KLB: variants seen among roughly 807,000 people sequenced by gnomAD.
KLB encodes the protein beta-klotho.
KLB carries 44 observed loss-of-function variants against 88.4 expected under a neutral mutation model. The observed-to-expected ratio is 0.50, with a 90% CI of 0.39 to 0.64. The LOEUF (loss-of-function observed/expected upper bound fraction) is 0.64, where lower values mean the gene tolerates loss of function less well. KLB is among the 30% of genes least tolerant of loss of function. KLB has a pLI of 0.00. For missense variants in KLB, 1,137 were observed against 1,304.8 expected (o/e 0.87, Z 1.98); for synonymous variants, 548 against 513.4 (o/e 1.07, Z -0.91).
At chr4:39,420,257 G>A (rs1372672738) in intron 1 of KLB, among the ~76,000 whole-genome samples, 4 of 152,120 alleles carry the variant, frequency 2.6e-5, no homozygotes, top group Non-Finnish European at 2.9e-5. Context: ...CATGACCAAA[G>A]TCTTGAGTAA....
In KLB at chr4:39,446,969, A is replaced by C. The variant is rs867245063; in HGVS notation, c.2243A>C (p.Glu748Ala). The change falls in exon 4 of 5, where the codon GAA (glutamate) becomes GCA (alanine). Residue 748 changes from glutamate (E) to alanine (A), a missense_variant. Physicochemically the swap from Glu to Ala is moderately radical, Grantham distance 107. Around this residue, in one of 4 missense-constraint regions of KLB, gnomAD observed 426 missense variants for 404.6 expected, o/e 1.05. Transcript: ENST00000257408. This position sits in a 1 kb window ranked among gnomAD's most constrained non-coding sequence, Gnocchi z 6.4. ...CTGTCGCTGCACGCGGACTGGGCGGAACCCGCCAACCCCTATGCTGACTCG... is the reference window on the plus strand; with the variant it reads ...CTGTCGCTGCACGCGGACTGGGCGGCACCCGCCAACCCCTATGCTGACTCG... ...VSLSLHADWA[E>A]PANPYADSHW... 1.2e-6 allele frequency: 2 copies of C among 1,607,600 alleles called. No individual in the cohort carries two copies. Among genetic ancestry groups the C allele is most frequent in the Non-Finnish European group, 1.7e-6 (2 of 1,179,762 alleles).
chr4:39,447,965 T>A (rs1560654950), intron 4 of KLB, among the ~76,000 whole-genome samples: 1 of 152,214 alleles, frequency 6.6e-6, no homozygotes, highest in Non-Finnish European at 1.5e-5. Context: ...AGGTTCACAA[T>A]CAGGCCAAAT....
Position 39,449,848 on chromosome 4 carries a change from C to T in KLB, c.*1162C>T, listed in dbSNP as rs1190654409. On this transcript the variant is annotated 3_prime_UTR_variant, in exon 5 of 5. Coordinates refer to ENST00000257408, the MANE Select transcript of KLB (RefSeq NM_175737.4). Reference sequence around the variant, plus strand: ...GCCGAGGCAGGAGAATCGCTTGAACCCGAGAGGCAGAGGTTGCAATGAGCC... The same window carrying T: ...GCCGAGGCAGGAGAATCGCTTGAACTCGAGAGGCAGAGGTTGCAATGAGCC... 2 of 152,186 alleles carry T rather than the reference C, an allele frequency of 1.3e-5. No individual in the cohort carries two copies. Among genetic ancestry groups the T allele is most frequent in the African/African-American group, 4.8e-5 (2 of 41,386 alleles). The allele number at this position is 152,186 out of a possible 1,614,324, so 9.4% of individuals were successfully genotyped here.
rs539494016 is a variant in KLB, at chr4:39,444,546, ATTGGGATGCATCATCT to A, written c.1606-1783_1606-1768del. Among the ~76,000 whole-genome samples the A allele has an allele frequency of 9.2e-5, 14 of 152,290 alleles. No individual in the cohort carries two copies. The South Asian group carries it at 2.9e-3, about 32-fold the overall frequency. The stretch of plus-strand genomic sequence containing the variant: ...ACAAGCTCTGGGAGCTGGGGTTGGG[ATTGGGATGCATCATCT>A]TTAACTAGAAAATTAACCTCTTAGC... On this transcript the variant is annotated intron_variant, in intron 3 of 4. Transcript: ENST00000257408.
At chr4:39,431,236 A>T (rs1189012750) in intron 1 of KLB, among the ~76,000 whole-genome samples, 1 of 150,934 alleles carries the variant, frequency 6.6e-6, no homozygotes, top group Non-Finnish European at 1.5e-5. Flanking sequence ...ACCACCAACC[A>T]AGAGGAAAGC....
rs1743776794 is a variant in KLB, at chr4:39,447,325, T to C, written c.2599T>C (p.Trp867Arg). Reference sequence around the variant, plus strand: ...CCCCACGCGCCTGGCTGTGATTCCCTGGGGGGTGCGCAAGCTGCTGCGGTG... The same window carrying C: ...CCCCACGCGCCTGGCTGTGATTCCCCGGGGGGTGCGCAAGCTGCTGCGGTG... The part of the protein sequence containing the change: ...SSPTRLAVIP[W>R]GVRKLLRWVR... Residue 867 changes from tryptophan (W) to arginine (R), a missense_variant, in exon 4 of 5, where the codon TGG becomes CGG. By Grantham distance (101) the Trp-to-Arg change is moderately radical. Coordinates refer to ENST00000257408, the MANE Select transcript of KLB (RefSeq NM_175737.4). The C allele has an allele frequency of 6.2e-7, 1 of 1,614,056 alleles. No individual in the cohort carries two copies.
chr4:39,428,512 G>A (rs1743270287), intron 1 of KLB, among the ~76,000 whole-genome samples: 1 of 151,578 alleles, frequency 6.6e-6, no homozygotes, highest in Non-Finnish European at 1.5e-5. Flanking sequence ...ATAAATTAAA[G>A]GTTATATGCC....
chr4:39,407,831 T>G (rs1026999759), intron 1 of KLB, 57 bp downstream of exon 1: 1 of 1,048,546 alleles, frequency 9.5e-7, no homozygotes, highest in African/African-American at 1.6e-5. Flanking sequence ...ATTTAAGAAT[T>G]TACCTTCTGC....
Position 39,446,773 on chromosome 4 carries a change from G to A in KLB, c.2047G>A (p.Asp683Asn). ...TGGGCTGTGCTTCCAGGAGCTGGGG[G>A]ACCTGGTGAAGCTCTGGATCACCAT... is the stretch of plus-strand genomic sequence containing the variant. ...YAGLCFQELG[D>N]LVKLWITINE... The change falls in exon 4 of 5, where the codon GAC (aspartate) becomes AAC (asparagine). Residue 683 changes from aspartate to asparagine, a missense_variant. Physicochemically the swap from Asp to Asn is conservative, Grantham distance 23 (BLOSUM62 1). This residue lies in a region of KLB where 597 missense variants were observed against 765.2 expected (regional missense o/e 0.78). Transcript: ENST00000257408. This position sits in a 1 kb window ranked among gnomAD's most constrained non-coding sequence, Gnocchi z 6.4. 1 of 1,609,136 alleles carries A rather than the reference G, an allele frequency of 6.2e-7. No homozygotes were observed. The highest frequency in any genetic ancestry group is 8.5e-7 in the Non-Finnish European group (1 of 1,177,768).
At chr4:39,444,239 A>C (rs1249119405) in intron 3 of KLB, among the ~76,000 whole-genome samples, 1 of 152,162 alleles carries the variant, frequency 6.6e-6, no homozygotes, top group African/African-American at 2.4e-5. Context: ...CAAAATGGTA[A>C]ATTTCTAATC....
At chr4:39,438,087 C>A in intron 3 of KLB, 92 bp downstream of exon 3, 4 of 1,171,356 alleles carry the variant, frequency 3.4e-6, no homozygotes, top group Admixed American at 2.3e-5. Context: ...AGCTGTCAGA[C>A]AATATCAAAT....
At position 39,451,190 on chromosome 4, in the gene KLB, A is replaced by G. The variant is rs887272370; in HGVS notation, c.*2504A>G. 2.0e-5 allele frequency: 3 copies of G among 152,232 alleles called. No individual in the cohort carries two copies. Among genetic ancestry groups the G allele is most frequent in the African/African-American group, 7.2e-5 (3 of 41,462 alleles). 9.4% of individuals were successfully genotyped at this position (152,232 alleles called of 1,614,324 possible). A position where few individuals can be genotyped will look rare whatever the true frequency, so the allele number is the denominator to read the frequency against. ...CCTTAAATTTTTTAACCACTGGCAA[A>G]TATGTACAGCAAATTAGGTTAAGCA... On this transcript the variant is annotated 3_prime_UTR_variant, in exon 5 of 5. Coordinates refer to ENST00000257408, the MANE Select transcript of KLB (RefSeq NM_175737.4).
At chr4:39,422,953 G>C (rs1743122030) in intron 1 of KLB, among the ~76,000 whole-genome samples, 1 of 151,680 alleles carries the variant, frequency 6.6e-6, no homozygotes, top group Non-Finnish European at 1.5e-5. Flanking sequence ...TCTTAGTAGA[G>C]ACAGGGTTTC....
chr4:39,449,168 T>C lies in KLB; in HGVS notation c.*482T>C, dbSNP rs1743832840. 1 of 152,502 alleles carries C rather than the reference T, an allele frequency of 6.6e-6. No individual in the cohort carries two copies. Among genetic ancestry groups the C allele is most frequent in the South Asian group, 2.1e-4 (1 of 4,826 alleles). The allele number at this position is 152,502 out of a possible 1,614,324, so 9.4% of individuals were successfully genotyped here. ...GGTGAAACCATGTCTCTACTAAAAA[T>C]ACAAAAAATTAGCCAGGCGTGGTGA... On this transcript the variant is annotated 3_prime_UTR_variant, in exon 5 of 5. Transcript: ENST00000257408.
intron 1 of KLB, among the ~76,000 whole-genome samples, chr4:39,418,050 C>T (rs1486603178): frequency 1.3e-5 from 2 of 152,162 alleles, no homozygotes; most frequent in Non-Finnish European, 2.9e-5. Context: ...TTTTACTTTG[C>T]TTTGCTTATT....
chr4:39,415,315 TA>T (rs1742943652), intron 1 of KLB, among the ~76,000 whole-genome samples: 2 of 152,134 alleles, frequency 1.3e-5, no homozygotes, highest in African/African-American at 4.8e-5. Context: ...TATTGTTTAC[TA>T]AAATATTTTT....
Position 39,407,672 on chromosome 4 carries a change from C to A in KLB, c.723C>A (p.Asn241Lys). 3.1e-6 allele frequency: 5 copies of A among 1,614,032 alleles called. No individual in the cohort carries two copies. The highest frequency in any genetic ancestry group is 4.2e-6 in the Non-Finnish European group (5 of 1,179,910). The change falls in exon 1 of 5, where the codon AAC becomes AAA. Residue 241 changes from asparagine to lysine, a missense_variant. Coordinates refer to ENST00000257408, the MANE Select transcript of KLB (RefSeq NM_175737.4). ...TCAAATATTGGATTACAATTCACAA[C>A]CCATATCTAGTGGCTTGGCATGGGT... The part of the protein sequence containing the change: ...DRVKYWITIH[N>K]PYLVAWHGYG...
chr4:39,421,773 G>A (rs1743090557), intron 1 of KLB, among the ~76,000 whole-genome samples: 1 of 151,726 alleles, frequency 6.6e-6, no homozygotes, highest in African/African-American at 2.4e-5. Context: ...AAAAGACAAG[G>A]TCTCACTCTG....
chr4:39,409,685 T>C lies in KLB; in HGVS notation c.825+1911T>C, dbSNP rs190474042. Among the ~76,000 whole-genome samples the C allele has an allele frequency of 1.1e-3, 172 of 151,634 alleles. 2 individuals are homozygous for C. The East Asian group carries it at 0.031, about 27-fold the overall frequency. ...CCTCATGCCTGTAATCCCAGCACTT[T>C]GGGAGGCCAAGGCAGGTGGATCACA... On this transcript the variant is annotated intron_variant, in intron 1 of 4. Transcript: ENST00000257408.
Sources: allele counts gnomAD v4.1 joint callset (sites outside exome capture counted in the v4.1 genomes callset), GRCh38; gene constraint gnomAD v4.1.1; regional missense constraint gnomAD v4.1.1; non-coding constraint Gnocchi (gnomAD v3.1); transcripts MANE v1.5; gene names NCBI Gene and HGNC (gene_info 2026-07-23, HGNC 2026-07-21).